The following CHIC1 variants were observed in gnomAD, a reference collection of about 807,000 sequenced individuals.
CHIC1 encodes the protein cysteine rich hydrophobic domain 1, also known as cysteine-rich hydrophobic domain-containing protein 1.
Under a neutral mutation model 18.5 loss-of-function variants are expected in CHIC1, and 7 were observed. The ratio of observed to expected loss-of-function variants is 0.38; its 90% confidence interval spans 0.22 to 0.71. CHIC1 has a LOEUF of 0.71. Ranked by LOEUF, CHIC1 falls within the 30% of genes least tolerant of loss-of-function variation. The pLI is 0.49. For missense variants in CHIC1, 159 were observed against 176.9 expected (o/e 0.90, Z 0.57); for synonymous variants, 77 against 73.5 (o/e 1.05, Z -0.25).
At chrX:73,569,224 A>G (rs1454569434) in intron 1 of CHIC1, among the ~76,000 whole-genome samples, 1 of 110,926 alleles carries the variant, frequency 9.0e-6, no homozygotes, top group African/African-American at 3.3e-5. Context: ...ATTTTCTTAA[A>G]CAAACTGAGT....
chrX:73,656,378 G>A (rs2057949263), intron 3 of CHIC1, among the ~76,000 whole-genome samples: 1 of 111,783 alleles, frequency 8.9e-6, no homozygotes. Flanking sequence ...GTTTGTTCCT[G>A]TCTATTTCCT....
Position 73,604,359 on chromosome X carries a change from C to T in CHIC1, c.507+19787C>T, listed in dbSNP as rs776697525. Among the ~76,000 whole-genome samples, 261 of 106,035 alleles carry T rather than the reference C, an allele frequency of 2.5e-3. 22 individuals carry two copies. The highest frequency in any genetic ancestry group is 9.1e-3 in the African/African-American group (245 of 27,021). 92.1% of individuals were successfully genotyped at this position (106,035 alleles called of 115,157 possible). A position where few individuals can be genotyped will look rare whatever the true frequency, so the allele number is the denominator to read the frequency against. ...TTCTGTGGGATCAGTGGTGATATCC[C>T]TTTTATCATTTTTTAATGTGTCTAT... On this transcript the variant is annotated intron_variant, in intron 3 of 5. Coordinates refer to ENST00000373502, the MANE Select transcript of CHIC1 (RefSeq NM_001039840.4).
rs772418309 is a variant in CHIC1 at position 73,677,991 on chromosome X, G to GGTTTTTTTTTTTTTTTTT, written c.508-1335_508-1334insGTTTTTTTTTTTTTTTTT. Among the ~76,000 whole-genome samples, 2 of 80,438 alleles carry GGTTTTTTTTTTTTTTTTT rather than the reference G, an allele frequency of 2.5e-5. 1 individual carries two copies. The highest frequency in any genetic ancestry group is 4.8e-5 in the Non-Finnish European group (2 of 42,078). The allele number at this position is 80,438 out of a possible 115,157, so 69.9% of individuals were successfully genotyped here. A position where few individuals can be genotyped will look rare whatever the true frequency, so the allele number is the denominator to read the frequency against. On this transcript the variant is annotated intron_variant, in intron 3 of 5. Transcript: ENST00000373502. The stretch of plus-strand genomic sequence containing the variant: ...AAATTATTGTGTCCTTTTGGAGGTT[G>GGTTTTTTTTTTTTTTTTT]TTTTTTTTTTTTTTTTGTCCTTACA...
At chrX:73,664,202 G>A (rs2057993849) in intron 3 of CHIC1, among the ~76,000 whole-genome samples, 1 of 111,712 alleles carries the variant, frequency 9.0e-6, no homozygotes, top group African/African-American at 3.3e-5. Context: ...TGGGGTTGCT[G>A]TTTTTATCAA....
Position 73,686,130 on chromosome X carries a change from G to A in CHIC1, c.*5125G>A, listed in dbSNP as rs987446210. 24 of 111,290 alleles carry A rather than the reference G, an allele frequency of 2.2e-4. No individual in the cohort carries two copies. The highest frequency in any genetic ancestry group is 7.5e-4 in the African/African-American group (23 of 30,687). The allele number at this position is 111,290 out of a possible 1,213,427, so 9.2% of individuals were successfully genotyped here. A position where few individuals can be genotyped will look rare whatever the true frequency, so the allele number is the denominator to read the frequency against. On this transcript the variant is annotated 3_prime_UTR_variant, in exon 6 of 6. Transcript: ENST00000373502. Reference sequence around the variant, plus strand: ...ATAATAAAATAAGAAATCCTATTATGTGCAACTTATTAAATACTTGGGAAC... The same window carrying A: ...ATAATAAAATAAGAAATCCTATTATATGCAACTTATTAAATACTTGGGAAC...
intron 1 of CHIC1, among the ~76,000 whole-genome samples, chrX:73,576,671 A>T (rs1454610188): frequency 9.0e-6 from 1 of 110,684 alleles, no homozygotes; most frequent in Non-Finnish European, 1.9e-5. Context: ...TCCTCCGCTA[A>T]TGTAACATTG....
intron 3 of CHIC1, among the ~76,000 whole-genome samples, chrX:73,665,166 G>A (rs750934013): frequency 6.3e-5 from 7 of 110,913 alleles, no homozygotes; most frequent in Non-Finnish European, 1.1e-4. Context: ...ATTGGAGGAC[G>A]GGGCTCAGGC....
intron 2 of CHIC1, among the ~76,000 whole-genome samples, chrX:73,582,064 A>AT (rs1167667987): frequency 1.8e-4 from 19 of 105,628 alleles, no homozygotes; most frequent in African/African-American, 4.4e-4. Context: ...CTTATAAACA[A>AT]TTTTTTTTTT....
intron 3 of CHIC1, among the ~76,000 whole-genome samples, chrX:73,638,808 C>T (rs1345978745): frequency 9.0e-6 from 1 of 111,533 alleles, no homozygotes; most frequent in Non-Finnish European, 1.9e-5. Flanking sequence ...TGTTAGTTTG[C>T]TTAGGATAAT....
intron 3 of CHIC1, among the ~76,000 whole-genome samples, chrX:73,676,868 T>C (rs1343410615): frequency 1.8e-5 from 2 of 111,697 alleles, no homozygotes; most frequent in African/African-American, 6.5e-5. Flanking sequence ...TGGTTTTATC[T>C]ACCTTTGGTC....
chrX:73,600,278 A>C (rs1490372841), intron 3 of CHIC1, among the ~76,000 whole-genome samples: 1 of 96,603 alleles, frequency 1.0e-5, no homozygotes, highest in Non-Finnish European at 2.0e-5. Context: ...GTCATCTGCA[A>C]ACAGGGACAA....
At chrX:73,628,136 C>A (rs1355102673) in intron 3 of CHIC1, among the ~76,000 whole-genome samples, 2 of 111,528 alleles carry the variant, frequency 1.8e-5, no homozygotes, top group African/African-American at 6.5e-5. Context: ...GTGGCCTGTT[C>A]TGCTGTGGCT....
intron 3 of CHIC1, among the ~76,000 whole-genome samples, chrX:73,648,327 T>C (rs1376392744): frequency 8.9e-6 from 1 of 111,828 alleles, no homozygotes; most frequent in Non-Finnish European, 1.9e-5. Context: ...ATGATTGAAC[T>C]CCTCTCTAGC....
At chrX:73,623,076 A>G (rs766790364) in intron 3 of CHIC1, among the ~76,000 whole-genome samples, 40 of 111,700 alleles carry the variant, frequency 3.6e-4, no homozygotes, top group Non-Finnish European at 7.0e-4. Context: ...GTTCTTTTGC[A>G]TTTGCTGAGT....
At chrX:73,599,473 G>A (rs867374295) in intron 3 of CHIC1, among the ~76,000 whole-genome samples, 353 of 98,229 alleles carry the variant, frequency 3.6e-3, no homozygotes, top group Non-Finnish European at 5.9e-3. Context: ...TAGGTCTAAC[G>A]TTTAAGTCTT....
At chrX:73,649,923 T>G (rs1769241830) in intron 3 of CHIC1, among the ~76,000 whole-genome samples, 1 of 112,670 alleles carries the variant, frequency 8.9e-6, no homozygotes, top group East Asian at 2.8e-4. Flanking sequence ...ATTCTAGAAT[T>G]GACCACATAA....
At chrX:73,576,371 G>A (rs1055372777) in intron 1 of CHIC1, among the ~76,000 whole-genome samples, 1 of 110,498 alleles carries the variant, frequency 9.0e-6, no homozygotes, top group Non-Finnish European at 1.9e-5. Context: ...CACCACAAAC[G>A]TGTGTAATGC....
At chrX:73,619,501 G>T (rs2057749300) in intron 3 of CHIC1, among the ~76,000 whole-genome samples, 1 of 110,506 alleles carries the variant, frequency 9.0e-6, no homozygotes, top group Non-Finnish European at 1.9e-5. Context: ...TTTGGTGAAA[G>T]TGATTTTCCC....
chrX:73,610,953 T>TC (rs2057705741), intron 3 of CHIC1, among the ~76,000 whole-genome samples: 1 of 107,733 alleles, frequency 9.3e-6, no homozygotes, highest in African/African-American at 3.6e-5. Flanking sequence ...GTTTTTTTTT[T>TC]CTCTTTTTTT....
Sources: gnomAD v4.1 joint callset for allele counts (sites outside exome capture counted in the v4.1 genomes callset) on GRCh38, gnomAD v4.1.1 for gene constraint, MANE v1.5 for transcripts, NCBI Gene and HGNC (gene_info 2026-07-23, HGNC 2026-07-21) for gene names.